The following KLHL2 variants were observed in gnomAD, a reference collection of about 807,000 sequenced individuals.
The protein encoded by KLHL2 is kelch-like protein 2.
Under a neutral mutation model 75.8 loss-of-function variants are expected in KLHL2, and 15 were observed. The ratio of observed to expected loss-of-function variants is 0.20; its 90% CI spans 0.13 to 0.30. The LOEUF (loss-of-function observed/expected upper bound fraction) is 0.30. KLHL2 is among the 10% of genes least tolerant of loss of function. The pLI is 1.00. For synonymous variants in KLHL2, 214 were observed against 251.9 expected, an observed-to-expected ratio of 0.85 and a Z score of 1.42; for missense variants, 381 against 741.0, an observed-to-expected ratio of 0.51 and a Z score of 5.64.
chr4:165,313,318 A>G lies in KLHL2; in HGVS notation c.1420A>G (p.Asn474Asp). Residue 474 changes from asparagine to aspartate, a missense_variant, in exon 12 of 15, where the codon AAT becomes GAT. Coordinates refer to ENST00000226725, the MANE Select transcript of KLHL2 (RefSeq NM_007246.4). The part of the protein sequence containing the change: ...STVECYNATT[N>D]EWTYIAEMST... ...AGTAGAATGCTATAATGCTACAACA[A>G]ATGAGTGGACCTATATAGCAGAAAT... 6.3e-7 allele frequency: 1 copy of G among 1,588,658 alleles called. No individual in the cohort carries two copies. The highest frequency in any genetic ancestry group is 8.5e-7 in the Non-Finnish European group (1 of 1,170,364).
At chr4:165,285,205 A>G (rs770798480) in intron 5 of KLHL2, among the ~76,000 whole-genome samples, 3 of 152,292 alleles carry the variant, frequency 2.0e-5, no homozygotes, top group Non-Finnish European at 4.4e-5. Flanking sequence ...ATATTATAGA[A>G]GCTGTGTCAG....
rs1023911538 is a variant in KLHL2 at position 165,207,590 on chromosome 4, G to C, written c.-287G>C. 1 of 149,684 alleles carries C rather than the reference G, an allele frequency of 6.7e-6. No homozygotes were observed. Among genetic ancestry groups the C allele is most frequent in the Non-Finnish European group, 1.5e-5 (1 of 66,806 alleles). The allele number at this position is 149,684 out of a possible 1,614,324, so 9.3% of individuals were successfully genotyped here. On this transcript the variant is annotated 5_prime_UTR_variant, in exon 1 of 15. Coordinates refer to ENST00000226725, the MANE Select transcript of KLHL2 (RefSeq NM_007246.4). The surrounding 1 kb of genome is among the most constrained non-coding windows in gnomAD (Gnocchi z 4.2). ...CCGTCACAGCGTCGGCGCCGGCCGG[G>C]GCCGAACCCGGAAGTGGCCGAGCCC...
chr4:165,214,306 C>T (rs1044755142), intron 1 of KLHL2, among the ~76,000 whole-genome samples: 3 of 152,154 alleles, frequency 2.0e-5, no homozygotes, highest in African/African-American at 4.8e-5. Flanking sequence ...ACCTCCTTTT[C>T]CCTATTTTAG....
At chr4:165,262,151 G>A (rs1458100024) in intron 4 of KLHL2, among the ~76,000 whole-genome samples, 1 of 152,172 alleles carries the variant, frequency 6.6e-6, no homozygotes, top group African/African-American at 2.4e-5. Flanking sequence ...AGCACTTGTA[G>A]TGTTGGATAT....
chr4:165,259,110 T>C (rs1271475866), intron 4 of KLHL2, among the ~76,000 whole-genome samples: 1 of 152,120 alleles, frequency 6.6e-6, no homozygotes, highest in African/African-American at 2.4e-5. Context: ...TATTCTTTTT[T>C]TTTTTTCTTT....
chr4:165,210,296 T>C, intron 1 of KLHL2: 3 of 1,039,432 alleles, frequency 2.9e-6, no homozygotes, highest in Non-Finnish European at 4.4e-6. Context: ...ATTTACATTG[T>C]TCTCAGATCC....
chr4:165,270,121 C>T (rs992262092), intron 5 of KLHL2, among the ~76,000 whole-genome samples: 8 of 152,100 alleles, frequency 5.3e-5, no homozygotes, highest in African/African-American at 9.7e-5. Flanking sequence ...CGGCTATTGA[C>T]GCTTGTGCAT....
At chr4:165,233,196 A>G (rs1463662757) in intron 3 of KLHL2, among the ~76,000 whole-genome samples, 9 of 152,218 alleles carry the variant, frequency 5.9e-5, no homozygotes, top group Admixed American at 2.0e-4. Flanking sequence ...AGTGAAAAGT[A>G]ATTCTGTGAA....
At chr4:165,217,167 AC>A (rs2110967862) in intron 1 of KLHL2, among the ~76,000 whole-genome samples, 1 of 152,292 alleles carries the variant, frequency 6.6e-6, no homozygotes, top group Non-Finnish European at 1.5e-5. Context: ...CCTTTGTTGC[AC>A]CTTCTAAATT....
rs1350297863 is a variant in KLHL2, at chr4:165,294,373, G to T, written c.559G>T (p.Asp187Tyr). The T allele has an allele frequency of 1.9e-6, 3 of 1,601,378 alleles. No homozygotes were observed. Among genetic ancestry groups the T allele is most frequent in the East Asian group, 4.5e-5 (2 of 44,786 alleles). Reference sequence around the variant, plus strand: ...TTCCCAAACAGAGCAACATTTTGCAGATGTTGTACTTAGTGAAGAATTTCT... The same window carrying T: ...TTCCCAAACAGAGCAACATTTTGCATATGTTGTACTTAGTGAAGAATTTCT... Reference protein sequence around the residue: ...ANTYAEQHFADVVLSEEFLNL... With the variant: ...ANTYAEQHFAYVVLSEEFLNL... Residue 187 changes from aspartate to tyrosine, a missense_variant, in exon 6 of 15, where the codon GAT becomes TAT. Asp to Tyr is a radical substitution (Grantham distance 160). Transcript: ENST00000226725.
At chr4:165,264,723 T>TATATAC (rs1742056588) in intron 5 of KLHL2, among the ~76,000 whole-genome samples, 1 of 70,526 alleles carries the variant, frequency 1.4e-5, no homozygotes, top group Admixed American at 1.7e-4. Context: ...TATATATACA[T>TATATAC]ATATATATAT....
chr4:165,313,120 AG>A (rs1560831909), intron 11 of KLHL2, 117 bp from the exon 12 acceptor site: 4 of 950,252 alleles, frequency 4.2e-6, no homozygotes, highest in Non-Finnish European at 6.1e-6. Context: ...CAGCACTTTA[AG>A]GGGAAACTCT....
chr4:165,209,810 A>G (rs1737077432), intron 1 of KLHL2: 2 of 248,278 alleles, frequency 8.1e-6, no homozygotes, highest in East Asian at 1.6e-4. Flanking sequence ...GTAGGTTTTT[A>G]TTTTCATTTG....
intron 2 of KLHL2, among the ~76,000 whole-genome samples, chr4:165,227,710 A>G (rs1455717014): frequency 6.6e-6 from 1 of 152,210 alleles, no homozygotes; most frequent in Non-Finnish European, 1.5e-5. Flanking sequence ...GTTCTAGAAT[A>G]AGCATCAGCA....
chr4:165,228,033 G>GC (rs1227654110), intron 2 of KLHL2, among the ~76,000 whole-genome samples: 1 of 152,068 alleles, frequency 6.6e-6, no homozygotes, highest in Non-Finnish European at 1.5e-5. Context: ...CAGTAGCTGC[G>GC]ATCATAGGTG....
intron 4 of KLHL2, among the ~76,000 whole-genome samples, chr4:165,251,130 TAAAAA>T (rs199881659): frequency 1.4e-5 from 2 of 146,604 alleles, no homozygotes; most frequent in African/African-American, 5.0e-5. Flanking sequence ...GGTTAAAACT[TAAAAA>T]AAAAAAATAC....
At chr4:165,258,723 A>G (rs1029933805) in intron 4 of KLHL2, among the ~76,000 whole-genome samples, 3 of 152,318 alleles carry the variant, frequency 2.0e-5, no homozygotes, top group African/African-American at 2.4e-5. Flanking sequence ...TTTGTTACCA[A>G]TAGTACAATG....
At position 165,283,831 on chromosome 4, in the gene KLHL2, G is replaced by T. The variant is rs1367587614; in HGVS notation, c.545-10528G>T. Among the ~76,000 whole-genome samples the T allele has an allele frequency of 2.0e-5, 3 of 152,196 alleles. 1 individual carries two copies. The East Asian group carries it at 5.8e-4, about 29-fold the overall frequency. On this transcript the variant is annotated intron_variant, in intron 5 of 14. Coordinates refer to ENST00000226725, the MANE Select transcript of KLHL2 (RefSeq NM_007246.4). ...GCCCCTGCAGCAAACTTCTGCCTGGGCATACAGGCATTTTCATACATCTGA... is the reference window on the plus strand; with the variant it reads ...GCCCCTGCAGCAAACTTCTGCCTGGTCATACAGGCATTTTCATACATCTGA...
intron 1 of KLHL2, among the ~76,000 whole-genome samples, chr4:165,217,314 C>G (rs1386805734): frequency 3.3e-5 from 5 of 152,104 alleles, no homozygotes; most frequent in Non-Finnish European, 7.4e-5. Flanking sequence ...TTACTGTTTC[C>G]TTTACAGGTA....
Sources: allele counts gnomAD v4.1 joint callset (sites outside exome capture counted in the v4.1 genomes callset), GRCh38; gene constraint gnomAD v4.1.1; non-coding constraint Gnocchi (gnomAD v3.1); transcripts MANE v1.5; gene names NCBI Gene and HGNC (gene_info 2026-07-23, HGNC 2026-07-21).